STPG2: variants seen among roughly 807,000 people sequenced by gnomAD.
The protein encoded by STPG2 is sperm tail PG-rich repeat containing 2, also known as sperm-tail PG-rich repeat-containing protein 2.
Under a neutral mutation model 54.2 loss-of-function variants are expected in STPG2, and 56 were observed. The observed-to-expected ratio is 1.03, with a 90% confidence interval of 0.83 to 1.29. The LOEUF is 1.29. Among genes scored for constraint, STPG2 ranks in the 50% most tolerant of loss-of-function variants. The pLI is 0.00. For synonymous variants in STPG2, 200 were observed against 181.8 expected, an observed-to-expected ratio of 1.10 and a Z score of -0.81; for missense variants, 596 against 544.9, an observed-to-expected ratio of 1.09 and a Z score of -0.93.
At chr4:98,010,762 T>A in intron 5 of STPG2, among the ~76,000 whole-genome samples, 1 of 152,194 alleles carries the variant, frequency 6.6e-6, no homozygotes. Context: ...TTTGCAGTGC[T>A]ATGCTTCGAA....
intron 8 of STPG2, among the ~76,000 whole-genome samples, chr4:97,924,060 C>T (rs899610672): frequency 3.3e-5 from 5 of 152,302 alleles, no homozygotes; most frequent in Non-Finnish European, 7.4e-5. Flanking sequence ...CTTGCTACTG[C>T]TCACTCTTTG....
intron 8 of STPG2, among the ~76,000 whole-genome samples, chr4:97,885,581 A>G (rs373975568): frequency 1.2e-4 from 19 of 152,356 alleles, no homozygotes; most frequent in African/African-American, 4.1e-4. Context: ...TAAATGAACA[A>G]TATACCATTG....
chr4:98,059,108 T>C (rs1241699034), intron 5 of STPG2, among the ~76,000 whole-genome samples: 1 of 150,932 alleles, frequency 6.6e-6, no homozygotes, highest in Non-Finnish European at 1.5e-5. Flanking sequence ...GCTAGACTAA[T>C]AAAGAAAAAA....
chr4:97,984,324 T>C (rs1734765652), intron 5 of STPG2, among the ~76,000 whole-genome samples: 1 of 152,156 alleles, frequency 6.6e-6, no homozygotes, highest in Admixed American at 6.5e-5. Context: ...TTTGTATTTT[T>C]AGTAGAGACT....
chr4:97,595,259 A>T (rs1450500405), intron 10 of STPG2, among the ~76,000 whole-genome samples: 1 of 152,224 alleles, frequency 6.6e-6, no homozygotes, highest in Non-Finnish European at 1.5e-5. Context: ...ACCATGGAAT[A>T]CTATGCAGCC....
chr4:97,489,806 C>T (rs563037825), intron 4 of STPG2: 1 of 151,028 alleles, frequency 6.6e-6, no homozygotes, highest in South Asian at 2.1e-4. Context: ...GATCTCTACC[C>T]CGAAATGTAA....
At chr4:97,702,046 C>T (rs1347826897) in intron 10 of STPG2, among the ~76,000 whole-genome samples, 2 of 152,186 alleles carry the variant, frequency 1.3e-5, no homozygotes, top group Non-Finnish European at 2.9e-5. Context: ...GGGATGTCTT[C>T]TGGATCCTCC....
At position 97,598,316 on chromosome 4, in the gene STPG2, G is replaced by C. The variant is rs182345771; in HGVS notation, c.1321-39199C>G. ...TGTTAAAACGACAGTACTGCCCAAA[G>C]CAGTTTATAGATTCAACACTATTCC... On this transcript the variant is annotated intron_variant, in intron 10 of 10. Transcript: ENST00000295268. 6.8e-4 allele frequency among the ~76,000 whole-genome samples: 103 copies of C among 152,064 alleles called. 1 individual carries two copies. Among genetic ancestry groups the C allele is most frequent in the Admixed American group, 5.8e-3 (89 of 15,262 alleles).
chr4:97,884,468 T>C (rs1215306317), intron 8 of STPG2, among the ~76,000 whole-genome samples: 1 of 152,108 alleles, frequency 6.6e-6, no homozygotes, highest in African/African-American at 2.4e-5. Flanking sequence ...AGAAAAACCA[T>C]GTGAAGACAC....
chr4:97,608,039 G>C (rs925585220), intron 10 of STPG2, among the ~76,000 whole-genome samples: 2 of 151,878 alleles, frequency 1.3e-5, no homozygotes, highest in South Asian at 2.1e-4. Flanking sequence ...GCTAAAAGGT[G>C]GGGGGAAAGG....
chr4:97,894,640 T>C (rs772345568), intron 8 of STPG2, among the ~76,000 whole-genome samples: 4 of 151,928 alleles, frequency 2.6e-5, no homozygotes, highest in Non-Finnish European at 4.4e-5. Context: ...TATTTTAATA[T>C]TGAGCATATT....
chr4:97,899,079 T>C (rs1369729202), intron 8 of STPG2, among the ~76,000 whole-genome samples: 1 of 151,748 alleles, frequency 6.6e-6, no homozygotes, highest in Non-Finnish European at 1.5e-5. Context: ...AACCCCATAA[T>C]CTCAGCCCAA....
intron 9 of STPG2, among the ~76,000 whole-genome samples, chr4:97,796,367 T>A (rs549734184): frequency 6.6e-6 from 1 of 152,222 alleles, no homozygotes; most frequent in African/African-American, 2.4e-5. Context: ...CATCTTGAAT[T>A]AATTTTTTTA....
At chr4:97,742,661 A>T (rs576774803) in intron 9 of STPG2, among the ~76,000 whole-genome samples, 1 of 151,446 alleles carries the variant, frequency 6.6e-6, no homozygotes, top group African/African-American at 2.4e-5. Flanking sequence ...AAATAATGTT[A>T]TCTGGTCACA....
chr4:97,620,473 T>G (rs1560688981), intron 10 of STPG2, among the ~76,000 whole-genome samples: 1 of 152,174 alleles, frequency 6.6e-6, no homozygotes, highest in Non-Finnish European at 1.5e-5. Flanking sequence ...GAAGAATGTT[T>G]TTTTCAAATC....
At position 97,549,004 on chromosome 4, in the gene STPG2, T is replaced by C. The variant is rs989495855; in HGVS notation, c.462+163695A>G. Among the ~76,000 whole-genome samples the C allele has an allele frequency of 4.7e-3, 113 of 23,834 alleles. 5 individuals are homozygous for C. Among genetic ancestry groups the C allele is most frequent in the Admixed American group, 8.6e-3 (20 of 2,330 alleles). 15.6% of individuals were successfully genotyped at this position (23,834 alleles called of 152,430 possible). On this transcript the variant is annotated intron_variant, in intron 4 of 4. Coordinates refer to the STPG2 transcript ENST00000522676. ...ATGGTTTAAACTATATCCACCACAA[T>C]AATGTTGAATGAGAACTTCTGAGAT...
intron 9 of STPG2, among the ~76,000 whole-genome samples, chr4:97,783,007 G>A (rs1490569861): frequency 6.6e-6 from 1 of 152,128 alleles, no homozygotes; most frequent in Non-Finnish European, 1.5e-5. Flanking sequence ...TACCATTCAG[G>A]ACATAGGCAT....
intron 10 of STPG2, among the ~76,000 whole-genome samples, chr4:97,674,303 AC>A (rs1317536392): frequency 6.6e-6 from 1 of 152,216 alleles, no homozygotes; most frequent in Non-Finnish European, 1.5e-5. Flanking sequence ...AAGAGAAGAA[AC>A]AAAAGCAGAA....
intron 4 of STPG2, among the ~76,000 whole-genome samples, chr4:97,491,518 A>G (rs1730503240): frequency 6.6e-6 from 1 of 151,508 alleles, no homozygotes; most frequent in Admixed American, 6.6e-5. Context: ...ACATAGAAAG[A>G]AATGGCCTCT....
Sources: gnomAD v4.1 joint callset for allele counts (sites outside exome capture counted in the v4.1 genomes callset) on GRCh38, gnomAD v4.1.1 for gene constraint, MANE v1.5 for transcripts, NCBI Gene and HGNC (gene_info 2026-07-23, HGNC 2026-07-21) for gene names.